The following MIOS variants were observed in gnomAD, a reference collection of about 807,000 sequenced individuals.
MIOS encodes GATOR2 complex protein MIOS.
MIOS carries 52 observed loss-of-function variants against 96.9 expected under a neutral mutation model. The observed-to-expected ratio is 0.54, with a 90% confidence interval of 0.43 to 0.68. The LOEUF is 0.68. Among genes scored for constraint, MIOS ranks in the 30% least tolerant of loss-of-function variants. MIOS has a pLI of 0.00. For synonymous variants in MIOS, 397 were observed against 359.5 expected, an observed-to-expected ratio of 1.10 and a Z score of -1.18; for missense variants, 1,005 against 1,052.8, an observed-to-expected ratio of 0.95 and a Z score of 0.63.
At chr7:7,567,712 C>G (rs1440178400) in intron 2 of MIOS, 24 bp downstream of exon 2, 1 of 152,104 alleles carries the variant, frequency 6.6e-6, no homozygotes, top group Admixed American at 6.5e-5. Flanking sequence ...AAGACAACAT[C>G]AAAAAGCATG....
chr7:7,586,492 T>G (rs1783891368), intron 7 of MIOS, among the ~76,000 whole-genome samples: 1 of 152,202 alleles, frequency 6.6e-6, no homozygotes, highest in Admixed American at 6.5e-5. Context: ...ACAACTTTCT[T>G]TGCACTACTT....
chr7:7,567,128 C>G (rs938574386), intron 1 of MIOS, 56 bp downstream of exon 1: 1 of 152,070 alleles, frequency 6.6e-6, no homozygotes, highest in Non-Finnish European at 1.5e-5. Context: ...GCGGCCGCAG[C>G]GAGGGGCCGG....
intron 5 of MIOS, among the ~76,000 whole-genome samples, chr7:7,580,364 A>T (rs1783672643): frequency 6.6e-6 from 1 of 152,128 alleles, no homozygotes; most frequent in Non-Finnish European, 1.5e-5. Context: ...CCTTCTTTTT[A>T]GTGGGTAGGA....
At chr7:7,574,733 T>C in intron 5 of MIOS, among the ~76,000 whole-genome samples, 1 of 152,076 alleles carries the variant, frequency 6.6e-6, no homozygotes, top group East Asian at 1.9e-4. Context: ...TAATGTAGGA[T>C]TGAAAATTGG....
At chr7:7,582,794 A>G (rs909224657) in intron 5 of MIOS, 5 of 274,942 alleles carry the variant, frequency 1.8e-5, no homozygotes, top group African/African-American at 9.1e-5. Flanking sequence ...ATTAAGTGCT[A>G]AAGGAAATAG....
chr7:7,575,651 T>C (rs369903711), intron 5 of MIOS, among the ~76,000 whole-genome samples: 1 of 152,280 alleles, frequency 6.6e-6, no homozygotes, highest in East Asian at 1.9e-4. Flanking sequence ...CTGCACTCAA[T>C]TATTTAGAGG....
At position 7,572,481 on chromosome 7, in the gene MIOS, C is replaced by A; in HGVS notation, c.6C>A (p.Ser2Arg). The A allele has an allele frequency of 6.2e-7, 1 of 1,608,764 alleles. No homozygotes were observed. The highest frequency in any genetic ancestry group is 2.2e-5 in the East Asian group (1 of 44,778). Residue 2 changes from serine to arginine, a missense_variant, in exon 4 of 13, where the codon AGC becomes AGA. This residue lies in a region of MIOS where 137 missense variants were observed against 148.6 expected (regional missense o/e 0.92). Transcript: ENST00000340080. The surrounding 1 kb of genome is among the most constrained non-coding windows in gnomAD (Gnocchi z 4.8). ...CTTTGATCACATCAGTAAACATGAG[C>A]GGTACCAAACCTGATATTTTATGGG... M[S>R]GTKPDILWAP...
chr7:7,569,699 A>T (rs1783284906), intron 3 of MIOS, among the ~76,000 whole-genome samples: 1 of 152,252 alleles, frequency 6.6e-6, no homozygotes, highest in Admixed American at 6.5e-5. Context: ...ATGGATGATT[A>T]AAGGGAAAGA....
At position 7,596,311 on chromosome 7, in the gene MIOS, G is replaced by A; in HGVS notation, c.2251G>A (p.Val751Met). ...GKSISYSCSA[V>M]PHQGRGFSQY... ...GTCAATCTCCTACAGCTGTTCAGCT[G>A]TGCCTCATCAGGGCAGAGGTTTTAG... Residue 751 changes from valine to methionine, a missense_variant, in exon 11 of 13, where the codon GTG becomes ATG. By Grantham distance (21) the Val-to-Met change is conservative. Around this residue, in one of 3 missense-constraint regions of MIOS, gnomAD observed 865 missense variants for 887.9 expected, o/e 0.97. Coordinates refer to ENST00000340080, the MANE Select transcript of MIOS (RefSeq NM_019005.4). 1.2e-6 allele frequency: 2 copies of A among 1,614,044 alleles called. No homozygotes were observed. Among genetic ancestry groups the A allele is most frequent in the Non-Finnish European group, 1.7e-6 (2 of 1,180,002 alleles).
intron 11 of MIOS, among the ~76,000 whole-genome samples, chr7:7,604,962 G>T (rs1784485223): frequency 6.6e-6 from 1 of 152,042 alleles, no homozygotes; most frequent in South Asian, 2.1e-4. Context: ...ACCCTTTCAG[G>T]AGTAATTCTA....
downstream of MIOS, chr7:7,608,947 C>G (rs181713558): frequency 7.8e-4 from 119 of 152,004 alleles, no homozygotes; most frequent in African/African-American, 2.7e-3. Context: ...CAGTTTATGT[C>G]TCTGGTGTCT....
chr7:7,578,642 A>G (rs1157504706), intron 5 of MIOS, among the ~76,000 whole-genome samples: 1 of 152,216 alleles, frequency 6.6e-6, no homozygotes, highest in African/African-American at 2.4e-5. Context: ...AGATATTAAA[A>G]TGAAACAAAT....
chr7:7,606,199 T>C (rs754462886), intron 12 of MIOS, 128 bp downstream of exon 12: 6 of 1,240,544 alleles, frequency 4.8e-6, no homozygotes, highest in South Asian at 4.8e-5. Flanking sequence ...CTGTCACTCA[T>C]GTTAACAAAG....
At chr7:7,582,597 T>C in intron 5 of MIOS, 1 of 967,166 alleles carries the variant, frequency 1.0e-6, no homozygotes, top group Non-Finnish European at 1.2e-6. Flanking sequence ...TCAAAGTACT[T>C]TGAAGTCTGT....
At chr7:7,590,674 ATG>A (rs1348595611) in intron 9 of MIOS, among the ~76,000 whole-genome samples, 1 of 151,664 alleles carries the variant, frequency 6.6e-6, no homozygotes, top group Non-Finnish European at 1.5e-5. Flanking sequence ...TAATATTTCC[ATG>A]TTTCATTTTA....
At chr7:7,584,000 T>C (rs73340613) in intron 6 of MIOS, among the ~76,000 whole-genome samples, 1 of 152,136 alleles carries the variant, frequency 6.6e-6, no homozygotes, top group Non-Finnish European at 1.5e-5. Context: ...AGGGGTTTTT[T>C]TCTTATCAGG....
chr7:7,579,964 T>A (rs1373288221), intron 5 of MIOS, among the ~76,000 whole-genome samples: 1 of 152,182 alleles, frequency 6.6e-6, no homozygotes, highest in Admixed American at 6.5e-5. Flanking sequence ...TTCTATAAAA[T>A]AAAAACTCTT....
At chr7:7,592,672 A>G (rs889674172) in intron 9 of MIOS, among the ~76,000 whole-genome samples, 2 of 152,070 alleles carry the variant, frequency 1.3e-5, no homozygotes, top group African/African-American at 4.8e-5. Flanking sequence ...CATAAGGAGT[A>G]TGCAGCCTAG....
At chr7:7,576,034 G>A (rs559922181) in intron 5 of MIOS, among the ~76,000 whole-genome samples, 2 of 152,130 alleles carry the variant, frequency 1.3e-5, no homozygotes, top group East Asian at 1.9e-4. Flanking sequence ...ATCAACACAT[G>A]GTAAGTCAAC....
Sources: gnomAD v4.1 joint callset for allele counts (sites outside exome capture counted in the v4.1 genomes callset) on GRCh38, gnomAD v4.1.1 for gene constraint, gnomAD v4.1.1 regional missense constraint, Gnocchi (gnomAD v3.1) non-coding constraint, MANE v1.5 for transcripts, NCBI Gene and HGNC (gene_info 2026-07-23, HGNC 2026-07-21) for gene names.